The following RP1L1 variants were observed in gnomAD, a reference collection of about 807,000 sequenced individuals.
The protein encoded by RP1L1 is retinitis pigmentosa 1-like 1 protein.
In RP1L1, 27 loss-of-function variants were observed where a neutral mutation model predicts 15.7. The observed-to-expected ratio is 1.72, with a 90% CI of 1.27 to 2.38. The LOEUF is 2.38. Among genes scored for constraint, RP1L1 ranks in the 30% most tolerant of loss-of-function variants. The pLI, the probability that RP1L1 is intolerant of heterozygous loss-of-function variation, is 0.00. For missense variants in RP1L1, 4,798 were observed against 3,075.9 expected, an observed-to-expected ratio of 1.56 and a Z score of -13.24; for synonymous variants, 1,813 against 1,276.7, an observed-to-expected ratio of 1.42 and a Z score of -8.96.
chr8:10,637,563 G>A (rs1255024625), intron 1 of RP1L1, among the ~76,000 whole-genome samples: 1 of 152,236 alleles, frequency 6.6e-6, no homozygotes, highest in South Asian at 2.1e-4. Flanking sequence ...CTGGGCAACA[G>A]AGTGAGACCC....
At chr8:10,615,654 G>A (rs1797953327) in intron 3 of RP1L1, among the ~76,000 whole-genome samples, 2 of 151,300 alleles carry the variant, frequency 1.3e-5, no homozygotes, top group Admixed American at 1.3e-4. Context: ...TCAGCCTCCT[G>A]AGTAGCTGGG....
At chr8:10,624,133 C>T (rs1024959526) in intron 1 of RP1L1, among the ~76,000 whole-genome samples, 3 of 152,216 alleles carry the variant, frequency 2.0e-5, no homozygotes, top group Non-Finnish European at 2.9e-5. Flanking sequence ...GAGGCATCAC[C>T]TTCCAGTCCT....
rs574264133 is a variant in RP1L1 at position 10,609,456 on chromosome 8, G to A, written c.4642C>T (p.Gln1548Ter). 2 of 1,612,332 alleles carry A rather than the reference G, an allele frequency of 1.2e-6. No individual in the cohort carries two copies. The highest frequency in any genetic ancestry group is 1.7e-6 in the Non-Finnish European group (2 of 1,179,978). ...VAELRARWGL[Q>*]DNDLLDQMAA... ...ATCTGGTCCAGCAGATCATTGTCCT[G>A]CAGGCCCCAGCGTGCTCGGAGCTCA... Residue 1548 changes from glutamine (Q) to a stop codon, truncating the protein, a stop_gained, in exon 4 of 4, where the codon CAG becomes TAG. Transcript: ENST00000382483. LOFTEE classifies it low-confidence loss of function (END_TRUNC).
Position 10,616,553 on chromosome 8 carries a change from G to C in RP1L1, c.644C>G (p.Ser215Cys). Residue 215 changes from serine to cysteine, a missense_variant, in exon 3 of 4, where the codon TCT (serine) becomes TGT (cysteine). Coordinates refer to ENST00000382483, the MANE Select transcript of RP1L1 (RefSeq NM_178857.6). Reference sequence around the variant, plus strand: ...CTCATGCCCGGCACACACCAGCACAGAGGGGCTGTGCAGCAGGGCCTGCAG... The same window carrying C: ...CTCATGCCCGGCACACACCAGCACACAGGGGCTGTGCAGCAGGGCCTGCAG... ...DSLQALLHSP[S>C]VLVCAGHEAF... The C allele has an allele frequency of 3.1e-6, 5 of 1,613,898 alleles. No individual in the cohort carries two copies. The highest frequency in any genetic ancestry group is 4.2e-6 in the Non-Finnish European group (5 of 1,180,034).
chr8:10,612,638 G>T lies in RP1L1; in HGVS notation c.1460C>A (p.Ala487Asp). The change falls in exon 4 of 4, where the codon GCC (alanine) becomes GAC (aspartate). Residue 487 changes from alanine to aspartate, a missense_variant. Coordinates refer to ENST00000382483, the MANE Select transcript of RP1L1 (RefSeq NM_178857.6). ...EDGVDSASPS[A>D]QIGAERKAGG... ...AGCTTTCCGCTCAGCCCCTATCTGGGCAGAGGGGCTGGCACTGTCCACCCC... is the reference window on the plus strand; with the variant it reads ...AGCTTTCCGCTCAGCCCCTATCTGGTCAGAGGGGCTGGCACTGTCCACCCC... The T allele has an allele frequency of 6.2e-7, 1 of 1,602,532 alleles. No individual in the cohort carries two copies. The highest frequency in any genetic ancestry group is 1.1e-5 in the South Asian group (1 of 91,016).
rs764496564 is a variant in RP1L1 at position 10,607,723 on chromosome 8, G to C, written c.6375C>G (p.Ala2125=). The change falls in exon 4 of 4, where the codon GCC becomes GCG. Residue 2125 remains alanine (A), a synonymous_variant. Transcript: ENST00000382483. ...GIEAPETEGE[A]QPESEGIEAP... is the part of the protein sequence containing the mutation. The stretch of plus-strand genomic sequence containing the variant: ...CCTCTATACCTTCTGACTCTGGCTG[G>C]GCCTCCCCTTCAGTCTCTGGGGCCT... 1.2e-6 allele frequency: 2 copies of C among 1,603,300 alleles called. No individual in the cohort carries two copies. The highest frequency in any genetic ancestry group is 3.4e-5 in the Admixed American group (2 of 58,756).
intron 2 of RP1L1, among the ~76,000 whole-genome samples, chr8:10,619,476 C>A (rs952907347): frequency 2.6e-5 from 4 of 152,166 alleles, no homozygotes; most frequent in Admixed American, 2.0e-4. Context: ...CCAGAGGCAA[C>A]CCCCCAAAAC....
At chr8:10,645,070 T>C (rs1798456966) in intron 1 of RP1L1, among the ~76,000 whole-genome samples, 1 of 152,230 alleles carries the variant, frequency 6.6e-6, no homozygotes, top group Non-Finnish European at 1.5e-5. Flanking sequence ...CTCATGCCTG[T>C]AATTTCAGAA....
chr8:10,615,898 C>T (rs1255488692), intron 3 of RP1L1, among the ~76,000 whole-genome samples: 2 of 151,854 alleles, frequency 1.3e-5, no homozygotes, highest in Non-Finnish European at 2.9e-5. Flanking sequence ...TCTCTTAATC[C>T]CTGTTCCATT....
intron 1 of RP1L1, among the ~76,000 whole-genome samples, chr8:10,628,210 G>A (rs55874831): frequency 0.082 from 12,506 of 152,204 alleles, 708 homozygotes; most frequent in Non-Finnish European, 0.13. Flanking sequence ...TAAACCACAG[G>A]ATCACTGAGG....
chr8:10,606,788 T>G lies in RP1L1; in HGVS notation c.*107A>C. 5 of 1,570,294 alleles carry G rather than the reference T, an allele frequency of 3.2e-6. No individual in the cohort carries two copies. The highest frequency in any genetic ancestry group is 4.3e-6 in the Non-Finnish European group (5 of 1,163,784). On this transcript the variant is annotated 3_prime_UTR_variant, in exon 4 of 4. Coordinates refer to ENST00000382483, the MANE Select transcript of RP1L1 (RefSeq NM_178857.6). ...TTGGCAAGTCCTTGGTCTTTGTCCA[T>G]GTACTATGGACATCTCCAGTGGACT...
rs545838470 is a variant in RP1L1 at position 10,607,947 on chromosome 8, C to G, written c.6151G>C (p.Glu2051Gln). 1 of 1,613,312 alleles carries G rather than the reference C, an allele frequency of 6.2e-7. No individual in the cohort carries two copies. Among genetic ancestry groups the G allele is most frequent in the Non-Finnish European group, 8.5e-7 (1 of 1,179,670 alleles). The change falls in exon 4 of 4, where the codon GAG becomes CAG. Residue 2051 changes from glutamate (E) to glutamine (Q), a missense_variant. Physicochemically the swap from Glu to Gln is conservative, Grantham distance 29. Coordinates refer to ENST00000382483, the MANE Select transcript of RP1L1 (RefSeq NM_178857.6). Reference sequence around the variant, plus strand: ...TCCGGGGCCTCTACACCGTCTGACTCTGGCTGGGCATCCCCTTCTGTCTTC... The same window carrying G: ...TCCGGGGCCTCTACACCGTCTGACTGTGGCTGGGCATCCCCTTCTGTCTTC... ...TQKTEGDAQPESDGVEAPEAE... is the reference protein window; with the variant it reads ...TQKTEGDAQPQSDGVEAPEAE...
At position 10,612,226 on chromosome 8, in the gene RP1L1, G is replaced by C. The variant is rs765702048; in HGVS notation, c.1872C>G (p.Ala624=). The change falls in exon 4 of 4, where the codon GCC becomes GCG. Residue 624 remains alanine, a synonymous_variant. Coordinates refer to ENST00000382483, the MANE Select transcript of RP1L1 (RefSeq NM_178857.6). The part of the protein sequence containing the change: ...GLSCSWDSEG[A]SSTPSTCTSS... Reference sequence around the variant, plus strand: ...AAGTGCAGGTGGAAGGGGTGGAAGAGGCTCCTTCCGAGTCCCAGGAGCAGG... The same window carrying C: ...AAGTGCAGGTGGAAGGGGTGGAAGACGCTCCTTCCGAGTCCCAGGAGCAGG... 9 of 1,613,228 alleles carry C rather than the reference G, an allele frequency of 5.6e-6. No homozygotes were observed. The highest frequency in any genetic ancestry group is 3.3e-4 in the Middle Eastern group (2 of 6,060).
In RP1L1 at chr8:10,608,533, C is replaced by T. The variant is rs777589526; in HGVS notation, c.5565G>A (p.Glu1855=). 2.6e-5 allele frequency: 42 copies of T among 1,600,640 alleles called. No homozygotes were observed. Among genetic ancestry groups the T allele is most frequent in the Non-Finnish European group, 3.6e-5 (42 of 1,170,506 alleles). The part of the protein sequence containing the change: ...QPESEGVEAP[E]AEGDAQEAEG... ...CAGCCTCCTGGGCATCCCCTTCTGC[C>T]TCTGGGGCCTCTACACCTTCTGACT... Residue 1855 remains glutamate, a synonymous_variant, in exon 4 of 4, where the codon GAG becomes GAA. Coordinates refer to ENST00000382483, the MANE Select transcript of RP1L1 (RefSeq NM_178857.6).
chr8:10,622,638 G>A lies in RP1L1; in HGVS notation c.564C>T (p.Leu188=), dbSNP rs945050892. The A allele has an allele frequency of 6.2e-7, 1 of 1,614,210 alleles. No homozygotes were observed. Among genetic ancestry groups the A allele is most frequent in the African/African-American group, 1.3e-5 (1 of 75,058 alleles). Residue 188 remains leucine, a synonymous_variant, in exon 2 of 4, where the codon CTC becomes CTT. Coordinates refer to ENST00000382483, the MANE Select transcript of RP1L1 (RefSeq NM_178857.6). ...ACAACTGCTTCACAGGAAAGCGCAG[G>A]AGATCTGAGGCTTTGCCGAGAAAGG... ...LAAFLGKASD[L]LRFPVKQLYT... is the part of the protein sequence containing the mutation.
At chr8:10,636,026 T>C (rs1320535080) in intron 1 of RP1L1, among the ~76,000 whole-genome samples, 1 of 152,230 alleles carries the variant, frequency 6.6e-6, no homozygotes, top group Non-Finnish European at 1.5e-5. Flanking sequence ...GATTCCATCA[T>C]TCAACAGCTC....
intron 1 of RP1L1, among the ~76,000 whole-genome samples, chr8:10,653,171 G>A (rs1183335666): frequency 6.6e-6 from 1 of 152,202 alleles, no homozygotes; most frequent in Non-Finnish European, 1.5e-5. Context: ...CTTGGAGGGA[G>A]TTCACAGGAA....
chr8:10,638,692 C>T (rs1160351584), intron 1 of RP1L1, among the ~76,000 whole-genome samples: 2 of 152,140 alleles, frequency 1.3e-5, no homozygotes, highest in African/African-American at 4.8e-5. Flanking sequence ...ATTTTTCCTG[C>T]AAAGAAAGAG....
chr8:10,651,450 C>T (rs1040584830), intron 1 of RP1L1, among the ~76,000 whole-genome samples: 11 of 152,070 alleles, frequency 7.2e-5, no homozygotes, highest in African/African-American at 1.7e-4. Flanking sequence ...ATGCTCGGGC[C>T]GGGCGCAGTG....
Sources: allele counts gnomAD v4.1 joint callset (sites outside exome capture counted in the v4.1 genomes callset), GRCh38; gene constraint gnomAD v4.1.1; transcripts MANE v1.5; gene names NCBI Gene and HGNC (gene_info 2026-07-23, HGNC 2026-07-21).